KIF21A: variants seen among roughly 807,000 people sequenced by gnomAD.
KIF21A encodes kinesin family member 21A.
In KIF21A, 114 loss-of-function variants were observed where a neutral mutation model predicts 202.9. That is an observed-to-expected ratio of 0.56 (90% CI 0.48 to 0.66). KIF21A has a LOEUF of 0.66. Ranked by LOEUF, KIF21A falls within the 30% of genes least tolerant of loss-of-function variation. The probability of loss-of-function intolerance (pLI) is 0.00; values close to 1 mark genes in which losing one functional copy is unlikely to be tolerated. For missense variants in KIF21A, 1,677 were observed against 1,994.9 expected, an observed-to-expected ratio of 0.84 and a Z score of 3.04; for synonymous variants, 667 against 670.8, an observed-to-expected ratio of 0.99 and a Z score of 0.09.
intron 16 of KIF21A, among the ~76,000 whole-genome samples, chr12:39,338,604 G>A (rs979521297): frequency 1.3e-5 from 2 of 152,114 alleles, no homozygotes; most frequent in Non-Finnish European, 2.9e-5. Context: ...ATGGTAAGTC[G>A]CATACCTTAC....
At chr12:39,340,816 G>C in intron 15 of KIF21A, 90 bp downstream of exon 15, 1 of 908,470 alleles carries the variant, frequency 1.1e-6, no homozygotes, top group Non-Finnish European at 1.7e-6. Flanking sequence ...GTTTAATACG[G>C]CTTCTATTTT....
Position 39,309,540 on chromosome 12 carries a change from AG to A in KIF21A, c.4277+45del, listed in dbSNP as rs770208018. 2,481 of 1,356,350 alleles carry A rather than the reference AG, an allele frequency of 1.8e-3. 40 individuals are homozygous for A. The African/African-American group carries it at 0.028, about 15-fold the overall frequency. The allele number at this position is 1,356,350 out of a possible 1,614,324, so 84.0% of individuals were successfully genotyped here. On this transcript the variant is annotated intron_variant, in intron 33 of 37. Coordinates refer to ENST00000361418, the MANE Select transcript of KIF21A (RefSeq NM_001173464.2). ...TTATATTTGTAAAAAAAAAAAAAAA[AG>A]AAGAGCTATTCCTCCTTTATGCTAT...
intron 10 of KIF21A, among the ~76,000 whole-genome samples, chr12:39,354,395 A>G (rs1464633960): frequency 6.6e-6 from 1 of 152,170 alleles, no homozygotes. Flanking sequence ...AATATTGAAG[A>G]GATAGATCAA....
Position 39,332,666 on chromosome 12 carries a change from C to T in KIF21A, c.2781G>A (p.Glu927=). ...KTARMKWQLL[E]RRVTDIIMQK... ...GCATGATGATGTCTGTGACCCTGCG[C>T]TCAAGGAGCTGCCACTTCATGCGAG... Residue 927 remains glutamate, a synonymous_variant, in exon 20 of 38, where the codon GAG becomes GAA. Coordinates refer to ENST00000361418, the MANE Select transcript of KIF21A (RefSeq NM_001173464.2). 3 of 1,614,068 alleles carry T rather than the reference C, an allele frequency of 1.9e-6. No individual in the cohort carries two copies. The highest frequency in any genetic ancestry group is 2.5e-6 in the Non-Finnish European group (3 of 1,179,968).
At chr12:39,310,061 G>T (rs537515041) in intron 32 of KIF21A, among the ~76,000 whole-genome samples, 1 of 152,030 alleles carries the variant, frequency 6.6e-6, no homozygotes, top group African/African-American at 2.4e-5. Context: ...GCTTCAAATT[G>T]CCACTGAATT....
intron 11 of KIF21A, among the ~76,000 whole-genome samples, chr12:39,349,609 C>T (rs1011954851): frequency 3.3e-5 from 5 of 151,990 alleles, no homozygotes; most frequent in African/African-American, 1.2e-4. Context: ...GTAGGGACTC[C>T]TTTGGCTAAA....
intron 1 of KIF21A, among the ~76,000 whole-genome samples, chr12:39,435,362 T>C (rs1938537360): frequency 6.6e-6 from 1 of 152,210 alleles, no homozygotes; most frequent in African/African-American, 2.4e-5. Context: ...CATTTCCTAC[T>C]GGAATTTCAG....
intron 3 of KIF21A, 40 bp downstream of exon 3, chr12:39,369,689 C>T (rs993679122): frequency 1.3e-6 from 2 of 1,527,956 alleles, no homozygotes; most frequent in African/African-American, 2.7e-5. Context: ...TCTATAAGAA[C>T]AAAATTTAAA....
intron 1 of KIF21A, among the ~76,000 whole-genome samples, chr12:39,437,214 T>C (rs938609494): frequency 1.3e-5 from 2 of 152,220 alleles, no homozygotes; most frequent in African/African-American, 4.8e-5. Context: ...GAATTTCTAG[T>C]GCATCATTCA....
intron 26 of KIF21A, among the ~76,000 whole-genome samples, chr12:39,323,733 GC>G (rs1945544296): frequency 1.3e-5 from 2 of 152,104 alleles, no homozygotes; most frequent in Admixed American, 1.3e-4. Flanking sequence ...CAGCTGTATA[GC>G]CCCAGCTCTT....
Position 39,356,858 on chromosome 12 carries a change from A to T in KIF21A, c.1443T>A (p.Ser481Arg). The T allele has an allele frequency of 1.6e-6, 2 of 1,247,696 alleles. No homozygotes were observed. The highest frequency in any genetic ancestry group is 2.4e-6 in the Non-Finnish European group (2 of 849,126). The allele number at this position is 1,247,696 out of a possible 1,614,324, so 77.3% of individuals were successfully genotyped here. A position where few individuals can be genotyped will look rare whatever the true frequency, so the allele number is the denominator to read the frequency against. The change falls in exon 10 of 38, where the codon AGT (serine) becomes AGA (arginine). Residue 481 changes from serine (S) to arginine (R), a missense_variant. Physicochemically the swap from Ser to Arg is moderately radical, Grantham distance 110 (BLOSUM62 -1). Around this residue, in one of 3 missense-constraint regions of KIF21A, gnomAD observed 966 missense variants for 1,180.9 expected, o/e 0.82. Transcript: ENST00000361418. ...GNEEISNMIH[S>R]YIKEIEDLRA... ...TGAGATCTTCGATTTCTTTTATATA[A>T]CTATGAATCATATTACTAATCTCCT...
chr12:39,393,433 G>A (rs963635685), intron 1 of KIF21A, among the ~76,000 whole-genome samples: 8 of 152,104 alleles, frequency 5.3e-5, no homozygotes, highest in African/African-American at 1.9e-4. Context: ...CCCTCCAATG[G>A]ACTAATCCCA....
At chr12:39,351,709 A>G in intron 11 of KIF21A, 68 bp downstream of exon 11, 1 of 970,800 alleles carries the variant, frequency 1.0e-6, no homozygotes, top group Non-Finnish European at 1.6e-6. Flanking sequence ...TATGCTCTTT[A>G]TAATTGCAAA....
Position 39,341,039 on chromosome 12 carries a change from C to A in KIF21A, c.1977G>T (p.Lys659Asn). 6.2e-7 allele frequency: 1 copy of A among 1,612,244 alleles called. No individual in the cohort carries two copies. The change falls in exon 15 of 38, where the codon AAG (lysine) becomes AAT (asparagine). Residue 659 changes from lysine (K) to asparagine (N), a missense_variant. Lys to Asn is a moderately conservative substitution (Grantham distance 94, BLOSUM62 0). This residue lies in a region of KIF21A where 966 missense variants were observed against 1,180.9 expected (regional missense o/e 0.82). Coordinates refer to ENST00000361418, the MANE Select transcript of KIF21A (RefSeq NM_001173464.2). The part of the protein sequence containing the change: ...NITCEIAIKQ[K>N]LIDELENSQK... Reference sequence around the variant, plus strand: ...GGCTGTTTTCTAGTTCATCAATCAGCTTTTGCTTAATTGCAATTTCACAAG... The same window carrying A: ...GGCTGTTTTCTAGTTCATCAATCAGATTTTGCTTAATTGCAATTTCACAAG...
At chr12:39,331,818 A>C in intron 21 of KIF21A, 27 bp from the exon 22 acceptor site, 1 of 1,510,864 alleles carries the variant, frequency 6.6e-7, no homozygotes, top group Non-Finnish European at 9.2e-7. Flanking sequence ...TAATATGATG[A>C]CCATTACTTT....
rs1252162387 is a variant in KIF21A at position 39,334,047 on chromosome 12, C to T, written c.2419-767G>A. ...CAAAACCCTGTCTCTACTAAAAATA[C>T]AAAATTAGCCAGGCATGGTGGCACG... On this transcript the variant is annotated intron_variant, in intron 17 of 37. Coordinates refer to ENST00000361418, the MANE Select transcript of KIF21A (RefSeq NM_001173464.2). Among the ~76,000 whole-genome samples the T allele has an allele frequency of 5.3e-5, 8 of 151,298 alleles. 1 individual carries two copies. Among genetic ancestry groups the T allele is most frequent in the Admixed American group, 4.6e-4 (7 of 15,210 alleles).
intron 22 of KIF21A, among the ~76,000 whole-genome samples, chr12:39,331,246 C>A (rs1261633218): frequency 2.6e-5 from 4 of 151,930 alleles, no homozygotes; most frequent in Non-Finnish European, 4.4e-5. Flanking sequence ...ACCATTATCA[C>A]CTTCAACATT....
At chr12:39,354,837 T>A (rs138376294) in intron 10 of KIF21A, among the ~76,000 whole-genome samples, 1 of 152,184 alleles carries the variant, frequency 6.6e-6, no homozygotes, top group Admixed American at 6.5e-5. Flanking sequence ...TATACTATTA[T>A]TTTATTTGAG....
At chr12:39,436,787 T>C (rs1938857256) in intron 1 of KIF21A, among the ~76,000 whole-genome samples, 1 of 152,060 alleles carries the variant, frequency 6.6e-6, no homozygotes, top group Non-Finnish European at 1.5e-5. Context: ...GAAAACTATT[T>C]TAACACTCTG....
Sources: allele counts gnomAD v4.1 joint callset (sites outside exome capture counted in the v4.1 genomes callset), GRCh38; gene constraint gnomAD v4.1.1; regional missense constraint gnomAD v4.1.1; transcripts MANE v1.5; gene names NCBI Gene and HGNC (gene_info 2026-07-23, HGNC 2026-07-21).